PCDH15: variants seen among roughly 807,000 people sequenced by gnomAD.
PCDH15 encodes protocadherin related 15.
Under a neutral mutation model 178.5 loss-of-function variants are expected in PCDH15, and 129 were observed. The observed-to-expected ratio is 0.72, with a 90% CI of 0.63 to 0.84. The LOEUF is 0.84. Among genes scored for constraint, PCDH15 ranks in the 40% least tolerant of loss-of-function variants. The pLI is 0.00. For missense variants in PCDH15, 2,230 were observed against 2,099.9 expected, an observed-to-expected ratio of 1.06 and a Z score of -1.21; for synonymous variants, 800 against 732.0, an observed-to-expected ratio of 1.09 and a Z score of -1.50.
At chr10:54,331,765 T>A (rs1228484392) in intron 6 of PCDH15, among the ~76,000 whole-genome samples, 1 of 152,044 alleles carries the variant, frequency 6.6e-6, no homozygotes, top group African/African-American at 2.4e-5. Flanking sequence ...ATCTCTGGAC[T>A]CAGAACCCCA....
chr10:55,069,191 G>A (rs1841651245), intron 2 of PCDH15, among the ~76,000 whole-genome samples: 1 of 149,988 alleles, frequency 6.7e-6, no homozygotes, highest in Non-Finnish European at 1.5e-5. Context: ...ATTAGCCACT[G>A]CACCCAGACT....
At chr10:54,730,821 A>T (rs1943230742) in intron 1 of PCDH15, among the ~76,000 whole-genome samples, 1 of 151,560 alleles carries the variant, frequency 6.6e-6, no homozygotes, top group African/African-American at 2.4e-5. Context: ...TATTGAAAAA[A>T]TACTTAACGA....
chr10:55,614,967 G>C (rs1433952917), intron 2 of PCDH15, among the ~76,000 whole-genome samples: 3 of 152,058 alleles, frequency 2.0e-5, no homozygotes, highest in Admixed American at 6.5e-5. Context: ...TTTATAGGAA[G>C]CTCTCAACAT....
At chr10:53,898,154 G>A (rs1473408081) in intron 26 of PCDH15, among the ~76,000 whole-genome samples, 1 of 59,484 alleles carries the variant, frequency 1.7e-5, no homozygotes, top group African/African-American at 9.3e-5. Flanking sequence ...TTTTAGTAGA[G>A]ACGGGGGTTT....
At chr10:54,939,494 C>CAAAAA (rs71014430) in intron 2 of PCDH15, among the ~76,000 whole-genome samples, 2,413 of 26,680 alleles carry the variant, frequency 0.09, 638 homozygotes, top group Non-Finnish European at 0.15. Context: ...GACTCCGTCT[C>CAAAAA]AAAAAAAAAA....
At chr10:54,502,145 G>T (rs1489471573) in intron 3 of PCDH15, among the ~76,000 whole-genome samples, 1 of 151,904 alleles carries the variant, frequency 6.6e-6, no homozygotes, top group Non-Finnish European at 1.5e-5. Flanking sequence ...CAAACATTTG[G>T]TCAAGCAGAT....
intron 25 of PCDH15, among the ~76,000 whole-genome samples, chr10:53,933,953 T>C (rs1411660221): frequency 6.7e-6 from 1 of 150,116 alleles, no homozygotes; most frequent in African/African-American, 2.4e-5. Flanking sequence ...CATGTGTTTT[T>C]TGGCTGCATA....
At position 53,805,395 on chromosome 10, in the gene PCDH15, A is replaced by G. The variant is rs1234892223; in HGVS notation, c.*1184T>C. The G allele has an allele frequency of 1.3e-5, 2 of 152,068 alleles. No homozygotes were observed. The highest frequency in any genetic ancestry group is 2.9e-5 in the Non-Finnish European group (2 of 67,976). The allele number at this position is 152,068 out of a possible 1,614,324, so 9.4% of individuals were successfully genotyped here. On this transcript the variant is annotated 3_prime_UTR_variant, in exon 38 of 38. Coordinates refer to ENST00000644397, the MANE Select transcript of PCDH15 (RefSeq NM_001384140.1). Reference sequence around the variant, plus strand: ...ACACAAGGCAAGTTTTTTAAAGGATATTCTGTTTTCATTTCTACTTATGAT... The same window carrying G: ...ACACAAGGCAAGTTTTTTAAAGGATGTTCTGTTTTCATTTCTACTTATGAT...
intron 2 of PCDH15, among the ~76,000 whole-genome samples, chr10:54,963,361 G>A (rs1838705802): frequency 6.6e-6 from 1 of 151,502 alleles, no homozygotes; most frequent in South Asian, 2.1e-4. Flanking sequence ...TATTTTAATG[G>A]AAATAGATTG....
chr10:55,604,737 T>C (rs1401643602), intron 2 of PCDH15, among the ~76,000 whole-genome samples: 1 of 135,162 alleles, frequency 7.4e-6, no homozygotes, highest in Non-Finnish European at 1.6e-5. Context: ...CTGGGACGCA[T>C]TCAAAGCAGT....
intron 2 of PCDH15, among the ~76,000 whole-genome samples, chr10:55,604,553 C>A (rs1343720672): frequency 7.0e-6 from 1 of 142,214 alleles, no homozygotes; most frequent in South Asian, 2.3e-4. Flanking sequence ...ATCTCTCAGA[C>A]CACAGTGCAA....
chr10:54,997,459 GT>G (rs1839677284), intron 2 of PCDH15, among the ~76,000 whole-genome samples: 1 of 152,072 alleles, frequency 6.6e-6, no homozygotes, highest in Non-Finnish European at 1.5e-5. Context: ...TAAAATAAAA[GT>G]TTCTTAGGAA....
At chr10:54,581,075 AT>A (rs1182895568) in intron 2 of PCDH15, among the ~76,000 whole-genome samples, 1 of 152,126 alleles carries the variant, frequency 6.6e-6, no homozygotes, top group African/African-American at 2.4e-5. Context: ...CTTCTATTCA[AT>A]GCAGTACTGG....
At chr10:55,012,809 G>C (rs1017404596) in intron 2 of PCDH15, among the ~76,000 whole-genome samples, 2 of 151,754 alleles carry the variant, frequency 1.3e-5, no homozygotes, top group African/African-American at 4.8e-5. Flanking sequence ...TTCCTCTTCA[G>C]AATCTCTCCT....
At chr10:53,986,915 T>G (rs1241707446) in intron 21 of PCDH15, among the ~76,000 whole-genome samples, 3 of 152,150 alleles carry the variant, frequency 2.0e-5, no homozygotes, top group African/African-American at 7.2e-5. Context: ...TACAGTAAAT[T>G]AAGTGACTTG....
At chr10:54,823,597 C>T (rs2133743079) in intron 3 of PCDH15, among the ~76,000 whole-genome samples, 1 of 152,152 alleles carries the variant, frequency 6.6e-6, no homozygotes, top group Non-Finnish European at 1.5e-5. Flanking sequence ...AGACTTGAAT[C>T]TAATTTCCTC....
chr10:54,965,771 T>G (rs1011937000), intron 2 of PCDH15, among the ~76,000 whole-genome samples: 1 of 151,002 alleles, frequency 6.6e-6, no homozygotes, highest in African/African-American at 2.4e-5. Context: ...TTTCTGTGAA[T>G]CTAAAATAAA....
At chr10:54,022,718 C>T (rs1261176410) in intron 19 of PCDH15, among the ~76,000 whole-genome samples, 174 bp downstream of exon 19, 2 of 151,904 alleles carry the variant, frequency 1.3e-5, no homozygotes, top group African/African-American at 2.4e-5. Flanking sequence ...GTAGGCTTGC[C>T]ACATAAAATA....
intron 2 of PCDH15, chr10:55,469,277 A>G (rs1362821154): frequency 6.6e-6 from 1 of 152,140 alleles, no homozygotes; most frequent in Admixed American, 6.5e-5. Flanking sequence ...GTTTTGCCAT[A>G]TTTAGGTATT....
Sources: allele counts gnomAD v4.1 joint callset (sites outside exome capture counted in the v4.1 genomes callset), GRCh38; gene constraint gnomAD v4.1.1; transcripts MANE v1.5; gene names NCBI Gene and HGNC (gene_info 2026-07-23, HGNC 2026-07-21).